XYLT1: variants seen among roughly 807,000 people sequenced by gnomAD.
The protein encoded by XYLT1 is beta-D-xylosyltransferase 1.
A neutral mutation model predicts 91.3 loss-of-function variants in XYLT1; 36 were observed. The observed-to-expected ratio is 0.39, with a 90% CI of 0.30 to 0.52. The LOEUF is 0.52. Ranked by LOEUF, XYLT1 falls within the 20% of genes least tolerant of loss-of-function variation. XYLT1 has a pLI of 0.68. For synonymous variants in XYLT1, 588 were observed against 532.0 expected, an observed-to-expected ratio of 1.11 and a Z score of -1.45; for missense variants, 1,242 against 1,284.5, an observed-to-expected ratio of 0.97 and a Z score of 0.51.
intron 2 of XYLT1, among the ~76,000 whole-genome samples, chr16:17,304,672 A>C (rs2034446215): frequency 6.6e-6 from 1 of 152,088 alleles, no homozygotes. Flanking sequence ...TTTCCCACAA[A>C]AAGTCATGGG....
intron 2 of XYLT1, among the ~76,000 whole-genome samples, chr16:17,279,804 T>G (rs2034030936): frequency 6.6e-6 from 1 of 152,120 alleles, no homozygotes; most frequent in Non-Finnish European, 1.5e-5. Context: ...ACAGCAGCAG[T>G]TAGGGGACAA....
chr16:17,212,368 G>A (rs1404326414), intron 3 of XYLT1, among the ~76,000 whole-genome samples: 5 of 152,064 alleles, frequency 3.3e-5, no homozygotes, highest in African/African-American at 4.8e-5. Context: ...TTAGTTTGGT[G>A]GGCGCAAGTA....
At chr16:17,177,303 A>G (rs79802914) in intron 5 of XYLT1, among the ~76,000 whole-genome samples, 1 of 152,262 alleles carries the variant, frequency 6.6e-6, no homozygotes, top group African/African-American at 2.4e-5. Flanking sequence ...TGCCAGTGAG[A>G]TTGCTTGAGA....
chr16:17,298,925 C>T (rs116241220), intron 2 of XYLT1, among the ~76,000 whole-genome samples: 3,487 of 152,170 alleles, frequency 0.023, 102 homozygotes, highest in Admixed American at 0.082. Flanking sequence ...CCTCAGGCCA[C>T]GTATCACTCT....
At position 17,141,369 on chromosome 16, in the gene XYLT1, C is replaced by A; in HGVS notation, c.1371G>T (p.Arg457Ser). The stretch of plus-strand genomic sequence containing the variant: ...GATCCAGGCCCTGCTTCCGAATGAA[C>A]CTGGGAGGGAGAAAGCTGCCCTTAG... ...FLKSHGRDNA[R>S]FIRKQGLDRL... The change falls in exon 7 of 12, where the codon AGG becomes AGT. Residue 457 changes from arginine to serine, a missense_variant and splice_region_variant. Physicochemically the swap from Arg to Ser is moderately radical, Grantham distance 110. Transcript: ENST00000261381. The A allele has an allele frequency of 6.2e-7, 1 of 1,613,524 alleles. No individual in the cohort carries two copies. Among genetic ancestry groups the A allele is most frequent in the East Asian group, 2.2e-5 (1 of 44,838 alleles).
At chr16:17,245,839 G>A (rs139425997) in intron 3 of XYLT1, among the ~76,000 whole-genome samples, 1,950 of 152,280 alleles carry the variant, frequency 0.013, 23 homozygotes, top group Admixed American at 0.027. Flanking sequence ...ACTAGAAACT[G>A]GCAGAGAAAT....
intron 2 of XYLT1, among the ~76,000 whole-genome samples, chr16:17,343,633 G>A (rs1454087491): frequency 6.6e-6 from 1 of 152,072 alleles, no homozygotes; most frequent in Admixed American, 6.5e-5. Context: ...ACTACACGCA[G>A]ATTATGTTTT....
At chr16:17,458,763 A>G (rs1036582668) in intron 1 of XYLT1, among the ~76,000 whole-genome samples, 1 of 152,060 alleles carries the variant, frequency 6.6e-6, no homozygotes, top group Admixed American at 6.6e-5. Context: ...TTGTTAACCC[A>G]CTTCTTCTTA....
intron 1 of XYLT1, among the ~76,000 whole-genome samples, chr16:17,400,614 A>C (rs2035951583): frequency 8.0e-6 from 1 of 124,534 alleles, no homozygotes. Flanking sequence ...AGAGGGAGGG[A>C]GGGAGGGAGG....
At chr16:17,272,953 A>G (rs2033918807) in intron 2 of XYLT1, among the ~76,000 whole-genome samples, 1 of 152,162 alleles carries the variant, frequency 6.6e-6, no homozygotes, top group Admixed American at 6.5e-5. Context: ...ATTTCCAGTT[A>G]TCACAATGAT....
chr16:17,139,623 G>A (rs1359473219), intron 7 of XYLT1, among the ~76,000 whole-genome samples: 1 of 152,192 alleles, frequency 6.6e-6, no homozygotes, highest in African/African-American at 2.4e-5. Context: ...TGGATTTTAA[G>A]CTTGAATTGC....
chr16:17,263,767 G>A lies in XYLT1; in HGVS notation c.403-4269C>T, dbSNP rs553728793. On this transcript the variant is annotated intron_variant, in intron 2 of 11. Transcript: ENST00000261381. ...CTTGTCACCTAGGCTGGAGTGCAAC[G>A]GCGCCATCTTGGCTCACTGTAACCT... Among the ~76,000 whole-genome samples the A allele has an allele frequency of 7.2e-5, 11 of 151,988 alleles. No homozygotes were observed. The South Asian group carries it at 2.3e-3, about 32-fold the overall frequency.
At chr16:17,320,334 C>T (rs758091735) in intron 2 of XYLT1, among the ~76,000 whole-genome samples, 45 of 152,140 alleles carry the variant, frequency 3.0e-4, no homozygotes, top group Non-Finnish European at 4.9e-4. Flanking sequence ...TCCAATCTAT[C>T]GCATCAAGGC....
At chr16:17,325,158 G>A (rs774293771) in intron 2 of XYLT1, among the ~76,000 whole-genome samples, 11 of 152,206 alleles carry the variant, frequency 7.2e-5, no homozygotes, top group Non-Finnish European at 1.3e-4. Context: ...AGCACTTTGG[G>A]AGGCTGAGGT....
chr16:17,201,721 C>A (rs1375035941), intron 3 of XYLT1, among the ~76,000 whole-genome samples: 1 of 152,132 alleles, frequency 6.6e-6, no homozygotes, highest in Non-Finnish European at 1.5e-5. Flanking sequence ...GGTGATCTGC[C>A]TACCTTGGCC....
chr16:17,219,280 C>CAAAAAAAAAAAAAAAAAAAAAAAA (rs369055155), intron 3 of XYLT1, among the ~76,000 whole-genome samples: 1 of 85,068 alleles, frequency 1.2e-5, no homozygotes. Flanking sequence ...GACTTTGTCT[C>CAAAAAAAAAAAAAAAAAAAAAAAA]AAAAAAAAAA....
Position 17,127,779 on chromosome 16 carries a change from C to A in XYLT1, c.2110G>T (p.Ala704Ser). 6.2e-7 allele frequency: 1 copy of A among 1,614,162 alleles called. No homozygotes were observed. Among genetic ancestry groups the A allele is most frequent in the Non-Finnish European group, 8.5e-7 (1 of 1,180,022 alleles). Residue 704 changes from alanine (A) to serine (S), a missense_variant, in exon 10 of 12, where the codon GCT (alanine) becomes TCT (serine). Around this residue, in one of 3 missense-constraint regions of XYLT1, gnomAD observed 511 missense variants for 497.0 expected, o/e 1.03. Coordinates refer to ENST00000261381, the MANE Select transcript of XYLT1 (RefSeq NM_022166.4). ...RFQGFLIKHH[A>S]TNLAVSKLET... The stretch of plus-strand genomic sequence containing the variant: ...AGTTTGCTCACAGCCAGATTGGTAG[C>A]ATGATGCTTGATCAGAAAGCCCTGG...
At chr16:17,264,721 C>T (rs1336431880) in intron 2 of XYLT1, among the ~76,000 whole-genome samples, 1 of 152,138 alleles carries the variant, frequency 6.6e-6, no homozygotes, top group Non-Finnish European at 1.5e-5. Context: ...GAAAACTCAC[C>T]AAAACAGACA....
intron 7 of XYLT1, 67 bp downstream of exon 7, chr16:17,141,086 A>G: frequency 6.6e-7 from 1 of 1,513,486 alleles, no homozygotes; most frequent in South Asian, 1.2e-5. Context: ...AAAATTCAGC[A>G]TCTGCTTTGC....
Sources: gnomAD v4.1 joint callset for allele counts (sites outside exome capture counted in the v4.1 genomes callset) on GRCh38, gnomAD v4.1.1 for gene constraint, gnomAD v4.1.1 regional missense constraint, MANE v1.5 for transcripts, NCBI Gene and HGNC (gene_info 2026-07-23, HGNC 2026-07-21) for gene names.